Variants in SPATA22 observed in about 807,000 individuals in gnomAD.
SPATA22 encodes the protein spermatogenesis-associated protein 22.
A neutral mutation model predicts 47.8 loss-of-function variants in SPATA22; 29 were observed. The ratio of observed to expected loss-of-function variants is 0.61; its 90% CI spans 0.45 to 0.83. The LOEUF is 0.83. SPATA22 is among the 40% of genes least tolerant of loss of function. SPATA22 has a pLI of 0.00. For synonymous variants in SPATA22, 133 were observed against 140.9 expected, an observed-to-expected ratio of 0.94 and a Z score of 0.40; for missense variants, 410 against 421.7, an observed-to-expected ratio of 0.97 and a Z score of 0.24.
intron 3 of SPATA22, among the ~76,000 whole-genome samples, chr17:3,465,368 C>T (rs1176110797): frequency 6.6e-6 from 1 of 151,888 alleles, no homozygotes; most frequent in Non-Finnish European, 1.5e-5. Context: ...ATTGAGAAAT[C>T]GGATGGTTGC....
At chr17:3,471,942 C>A, upstream of SPATA22, 1 of 821,942 alleles carries the variant, frequency 1.2e-6, no homozygotes, top group Non-Finnish European at 1.5e-6. Context: ...TCTTCCTTGG[C>A]GTTCTCACAC....
chr17:3,507,766 A>G (rs1211684510), intron 1 of SPATA22, among the ~76,000 whole-genome samples: 1 of 152,216 alleles, frequency 6.6e-6, no homozygotes, highest in East Asian at 1.9e-4. Flanking sequence ...ACAGTGTAGC[A>G]TACAATCTCA....
At chr17:3,492,253 T>A (rs889305368) in intron 1 of SPATA22, among the ~76,000 whole-genome samples, 2 of 152,246 alleles carry the variant, frequency 1.3e-5, no homozygotes, top group Non-Finnish European at 2.9e-5. Context: ...GAAGTCATCT[T>A]CTGCATCTGT....
intron 3 of SPATA22, among the ~76,000 whole-genome samples, chr17:3,462,977 C>T (rs2073163523): frequency 6.6e-6 from 1 of 152,116 alleles, no homozygotes; most frequent in South Asian, 2.1e-4. Context: ...GTATTTTAAG[C>T]AAAGATAATT....
At position 3,469,266 on chromosome 17, in the gene SPATA22, A is replaced by G; in HGVS notation, c.43+17T>C. ...TATGCTATACAGAAAATTTAAAAAT[A>G]AAAAGTTGTTCAATACCTGCTGTAC... On this transcript the variant is annotated intron_variant, in intron 2 of 8. Coordinates refer to ENST00000572969, the MANE Select transcript of SPATA22 (RefSeq NM_001170698.2). 1 of 1,272,724 alleles carries G rather than the reference A, an allele frequency of 7.9e-7. No individual in the cohort carries two copies. Among genetic ancestry groups the G allele is most frequent in the Non-Finnish European group, 1.1e-6 (1 of 891,180 alleles). 78.8% of individuals were successfully genotyped at this position (1,272,724 alleles called of 1,614,324 possible).
At chr17:3,448,696 A>C (rs1320925739) in intron 6 of SPATA22, 111 bp downstream of exon 6, 1 of 738,674 alleles carries the variant, frequency 1.4e-6, no homozygotes, top group African/African-American at 1.8e-5. Context: ...TAATCAAGTA[A>C]TGTATGTCAT....
At chr17:3,483,649 G>A in intron 1 of SPATA22, 1 of 1,468,320 alleles carries the variant, frequency 6.8e-7, no homozygotes, top group Non-Finnish European at 9.5e-7. Flanking sequence ...CTGAAACTCA[G>A]AGAAATTTAT....
rs533308363 is a variant in SPATA22 at position 3,485,482 on chromosome 17, C to T, written c.-73-16084G>A. Reference sequence around the variant, plus strand: ...GAGCCGAGATCATGCCATTGCACTCCAGCCGGGGCAACAAAAGTGAAACTC... The same window carrying T: ...GAGCCGAGATCATGCCATTGCACTCTAGCCGGGGCAACAAAAGTGAAACTC... On this transcript the variant is annotated intron_variant, in intron 1 of 8. Transcript: ENST00000541913. The surrounding 1 kb of genome is among the most constrained non-coding windows in gnomAD (Gnocchi z 4.4). 3.3e-5 allele frequency among the ~76,000 whole-genome samples: 5 copies of T among 152,308 alleles called. No individual in the cohort carries two copies. Among genetic ancestry groups the T allele is most frequent in the Admixed American group, 3.3e-4 (5 of 15,300 alleles).
chr17:3,491,355 A>G (rs1165145124), intron 1 of SPATA22, among the ~76,000 whole-genome samples: 1 of 152,208 alleles, frequency 6.6e-6, no homozygotes, highest in Non-Finnish European at 1.5e-5. Flanking sequence ...TGAGAACTGT[A>G]AATAAATTCT....
At chr17:3,506,408 T>G (rs1444797530) in intron 1 of SPATA22, among the ~76,000 whole-genome samples, 1 of 152,142 alleles carries the variant, frequency 6.6e-6, no homozygotes, top group African/African-American at 2.4e-5. Context: ...GAACAGGAAC[T>G]TGACTAGCAA....
At chr17:3,504,045 T>C (rs570302547) in intron 1 of SPATA22, among the ~76,000 whole-genome samples, 19 of 152,224 alleles carry the variant, frequency 1.2e-4, no homozygotes, top group African/African-American at 4.6e-4. Context: ...CCACTGTTTA[T>C]TCCTCTAGGC....
upstream of SPATA22, among the ~76,000 whole-genome samples, chr17:3,474,784 T>G (rs2073497274): frequency 6.6e-6 from 1 of 152,184 alleles, no homozygotes; most frequent in Non-Finnish European, 1.5e-5. Context: ...AATGGCTGTT[T>G]ATGTGAATTC....
At chr17:3,477,614 G>A (rs370722279) in intron 1 of SPATA22, among the ~76,000 whole-genome samples, 6 of 151,826 alleles carry the variant, frequency 4.0e-5, no homozygotes, top group South Asian at 2.1e-4. Context: ...CACCATGTCC[G>A]GGTAATTTTT....
chr17:3,456,855 C>T (rs1366944922), intron 5 of SPATA22, among the ~76,000 whole-genome samples: 2 of 151,530 alleles, frequency 1.3e-5, no homozygotes, highest in Non-Finnish European at 2.9e-5. Flanking sequence ...CCACCATGAT[C>T]AAGTGGGCTT....
intron 5 of SPATA22, among the ~76,000 whole-genome samples, chr17:3,459,574 T>C (rs2073079933): frequency 6.6e-6 from 1 of 152,104 alleles, no homozygotes; most frequent in African/African-American, 2.4e-5. Context: ...CCTGGCTAAT[T>C]TTTGTATTTA....
intron 1 of SPATA22, among the ~76,000 whole-genome samples, chr17:3,470,771 C>T (rs531398648): frequency 4.9e-5 from 7 of 143,032 alleles, no homozygotes; most frequent in Non-Finnish European, 9.4e-5. Flanking sequence ...GAAAAAAAAA[C>T]AACTTGGGAA....
rs766883554 is a variant in SPATA22, at chr17:3,449,154, A to G, written c.330-5T>C. 6.6e-7 allele frequency: 1 copy of G among 1,525,566 alleles called. No individual in the cohort carries two copies. Among genetic ancestry groups the G allele is most frequent in the Admixed American group, 2.3e-5 (1 of 43,742 alleles). The allele number at this position is 1,525,566 out of a possible 1,614,324, so 94.5% of individuals were successfully genotyped here. On this transcript the variant is annotated splice_region_variant and splice_polypyrimidine_tract_variant and intron_variant, in intron 5 of 8. Transcript: ENST00000572969. ...TTTTTGTTACCATCTCTGTAGCTGT[A>G]ATAGTGCAAAAAAAAAGCATTTGTT...
rs1419897517 is a variant in SPATA22, at chr17:3,494,467, T to C, written c.-74+18945A>G. The C allele has an allele frequency of 1.9e-6, 3 of 1,581,702 alleles. No individual in the cohort carries two copies. Among genetic ancestry groups the C allele is most frequent in the Non-Finnish European group, 2.6e-6 (3 of 1,150,640 alleles). ...ATCCATCCTAATCTGCAGGTAACAT[T>C]TGTTCTTTCTTTAAAATGTTGAAAA... On this transcript the variant is annotated intron_variant, in intron 1 of 8. Coordinates refer to the SPATA22 transcript ENST00000541913.
At chr17:3,463,161 G>GA (rs1189624352) in intron 3 of SPATA22, among the ~76,000 whole-genome samples, 5 of 152,278 alleles carry the variant, frequency 3.3e-5, no homozygotes, top group South Asian at 4.1e-4. Context: ...ATAGAGAGGA[G>GA]AAAAAAGAAT....
Sources: allele counts gnomAD v4.1 joint callset (sites outside exome capture counted in the v4.1 genomes callset), GRCh38; gene constraint gnomAD v4.1.1; non-coding constraint Gnocchi (gnomAD v3.1); transcripts MANE v1.5; gene names NCBI Gene and HGNC (gene_info 2026-07-23, HGNC 2026-07-21).